The following ALDH2 variants were observed in gnomAD, a reference collection of about 807,000 sequenced individuals.
ALDH2 encodes the protein aldehyde dehydrogenase 2 family member.
A neutral mutation model predicts 59.6 loss-of-function variants in ALDH2; 44 were observed. That is an observed-to-expected ratio of 0.74 (90% CI 0.58 to 0.95). The LOEUF is 0.95. Ranked by LOEUF, ALDH2 falls within the 40% of genes least tolerant of loss-of-function variation. The probability of loss-of-function intolerance (pLI) is 0.00; values close to 1 mark genes in which losing one functional copy is unlikely to be tolerated. For synonymous variants in ALDH2, 291 were observed against 284.0 expected, an observed-to-expected ratio of 1.02 and a Z score of -0.25; for missense variants, 570 against 696.3, an observed-to-expected ratio of 0.82 and a Z score of 2.04.
chr12:111,802,614 T>C (rs138316993), intron 11 of ALDH2, among the ~76,000 whole-genome samples: 2,184 of 147,154 alleles, frequency 0.015, 25 homozygotes, highest in Admixed American at 0.028. Flanking sequence ...GGCGCTGTGG[T>C]TCACACCTGT....
chr12:111,775,691 G>T (rs377371349), intron 1 of ALDH2: 35 of 455,462 alleles, frequency 7.7e-5, no homozygotes, highest in Non-Finnish European at 1.5e-4. Flanking sequence ...CCCCCACCAC[G>T]CCCCGCCCAA....
chr12:111,792,623 C>T lies in ALDH2; in HGVS notation c.924C>T (p.His308=). ...ADMDWAVEQA[H]FALFFNQGQC... ...TGGATTGGGCCGTGGAACAGGCCCA[C>T]TTCGCCCTGTTCTTCAACCAGGGCC... The change falls in exon 9 of 13, where the codon CAC becomes CAT. Residue 308 remains histidine, a synonymous_variant. Coordinates refer to ENST00000261733, the MANE Select transcript of ALDH2 (RefSeq NM_000690.4). 1 of 1,612,974 alleles carries T rather than the reference C, an allele frequency of 6.2e-7. No homozygotes were observed.
At chr12:111,790,768 C>T (rs2068351668) in intron 6 of ALDH2, among the ~76,000 whole-genome samples, 1 of 152,084 alleles carries the variant, frequency 6.6e-6, no homozygotes, top group Admixed American at 6.6e-5. Context: ...AAAAATATTG[C>T]TCTAGGCCAG....
intron 3 of ALDH2, among the ~76,000 whole-genome samples, chr12:111,784,803 A>G (rs955377774): frequency 1.3e-5 from 2 of 151,950 alleles, no homozygotes; most frequent in African/African-American, 2.4e-5. Flanking sequence ...TGATAAAGTC[A>G]AGGTTTCACT....
At chr12:111,799,377 G>A (rs1205919071) in intron 10 of ALDH2, among the ~76,000 whole-genome samples, 1 of 151,304 alleles carries the variant, frequency 6.6e-6, no homozygotes, top group Non-Finnish European at 1.5e-5. Flanking sequence ...ATGTTGGCCA[G>A]GCTTGTCTCC....
In ALDH2 at chr12:111,767,004, T is replaced by C; in HGVS notation, c.22T>C (p.Phe8Leu). 2 of 1,522,904 alleles carry C rather than the reference T, an allele frequency of 1.3e-6. No homozygotes were observed. The highest frequency in any genetic ancestry group is 1.8e-6 in the Non-Finnish European group (2 of 1,141,592). 94.3% of individuals were successfully genotyped at this position (1,522,904 alleles called of 1,614,324 possible). ...TGCGATGTTGCGCGCTGCCGCCCGCTTCGGGCCCCGCCTGGGCCGCCGCCT... is the reference window on the plus strand; with the variant it reads ...TGCGATGTTGCGCGCTGCCGCCCGCCTCGGGCCCCGCCTGGGCCGCCGCCT... MLRAAAR[F>L]GPRLGRRLLS... is the part of the protein sequence containing the mutation. The change falls in exon 1 of 13, where the codon TTC (phenylalanine) becomes CTC (leucine). Residue 8 changes from phenylalanine to leucine, a missense_variant. Phe to Leu is a conservative substitution (Grantham distance 22). Coordinates refer to ENST00000261733, the MANE Select transcript of ALDH2 (RefSeq NM_000690.4).
rs889051256 is a variant in ALDH2 at position 111,815,314 on chromosome 12, G to C, written c.*5739G>C. 6.6e-6 allele frequency: 1 copy of C among 152,198 alleles called. No individual in the cohort carries two copies. Among genetic ancestry groups the C allele is most frequent in the African/African-American group, 2.4e-5 (1 of 41,444 alleles). The allele number at this position is 152,198 out of a possible 1,614,324, so 9.4% of individuals were successfully genotyped here. ...CAGCCTCTACCTCCTAGGCTCAGGT[G>C]ATTCTTCTGCCTCAGCCTCCCAAAT... On this transcript the variant is annotated 3_prime_UTR_variant, in exon 13 of 13. Transcript: ENST00000261733.
chr12:111,770,771 A>C (rs2068193199), intron 1 of ALDH2, among the ~76,000 whole-genome samples: 1 of 151,880 alleles, frequency 6.6e-6, no homozygotes, highest in South Asian at 2.1e-4. Flanking sequence ...GAGCCTCCTG[A>C]GTAGCTAGGA....
intron 1 of ALDH2, among the ~76,000 whole-genome samples, chr12:111,778,264 G>T (rs1361698130): frequency 6.6e-6 from 1 of 152,174 alleles, no homozygotes; most frequent in Non-Finnish European, 1.5e-5. Flanking sequence ...CCCATATTCG[G>T]CCAGGCGCGG....
chr12:111,792,480 C>T, intron 8 of ALDH2, 118 bp from the exon 9 acceptor site: 1 of 1,213,714 alleles, frequency 8.2e-7, no homozygotes, highest in South Asian at 1.5e-5. Flanking sequence ...CTGTCTCTGG[C>T]ACCCAGCAGG....
intron 12 of ALDH2, among the ~76,000 whole-genome samples, chr12:111,807,356 A>ATT (rs2068504556): frequency 6.6e-6 from 1 of 151,470 alleles, no homozygotes; most frequent in African/African-American, 2.4e-5. Flanking sequence ...GCTCACAGCC[A>ATT]GTCTTGTTTA....
In ALDH2 at chr12:111,785,312, C is replaced by G. The variant is rs771960765; in HGVS notation, c.406C>G (p.Leu136Val). Residue 136 changes from leucine to valine, a missense_variant, in exon 4 of 13, where the codon CTG (leucine) becomes GTG (valine). Leu to Val is a conservative substitution (Grantham distance 32). Coordinates refer to ENST00000261733, the MANE Select transcript of ALDH2 (RefSeq NM_000690.4). ...TGGCAAGCCCTATGTCATCTCCTAC[C>G]TGGTGGATTTGGACATGGTCCTCAA... ...DNGKPYVISYLVDLDMVLKCL... is the reference protein window; with the variant it reads ...DNGKPYVISYVVDLDMVLKCL... The G allele has an allele frequency of 1.4e-5, 22 of 1,614,152 alleles. No individual in the cohort carries two copies. The South Asian group carries it at 1.9e-4, about 14-fold the overall frequency.
In ALDH2 at chr12:111,809,701, G is replaced by A; in HGVS notation, c.*126G>A. The A allele has an allele frequency of 4.6e-6, 5 of 1,097,680 alleles. No individual in the cohort carries two copies. Among genetic ancestry groups the A allele is most frequent in the Non-Finnish European group, 6.7e-6 (5 of 749,586 alleles). The allele number at this position is 1,097,680 out of a possible 1,614,324, so 68.0% of individuals were successfully genotyped here. A position where few individuals can be genotyped will look rare whatever the true frequency, so the allele number is the denominator to read the frequency against. On this transcript the variant is annotated 3_prime_UTR_variant, in exon 13 of 13. Transcript: ENST00000261733. ...AGAAATTTTTCCTACAAAATCTCTT[G>A]GGTCAAGAAAGTTCTAGAATTTGAA...
intron 4 of ALDH2, among the ~76,000 whole-genome samples, chr12:111,788,788 G>A (rs535319998): frequency 1.3e-5 from 2 of 152,174 alleles, no homozygotes; most frequent in South Asian, 2.1e-4. Flanking sequence ...GATCACTTGA[G>A]CTCAGGAGTT....
At chr12:111,801,989 T>G (rs1250824533) in intron 11 of ALDH2, among the ~76,000 whole-genome samples, 1 of 152,094 alleles carries the variant, frequency 6.6e-6, no homozygotes, top group African/African-American at 2.4e-5. Context: ...GTGCAGTGGC[T>G]CACCCCTGTA....
intron 4 of ALDH2, among the ~76,000 whole-genome samples, chr12:111,788,709 C>G (rs568145006): frequency 6.6e-6 from 1 of 152,218 alleles, no homozygotes; most frequent in South Asian, 2.1e-4. Context: ...ATGTTCAAAC[C>G]CAGGTCACTA....
chr12:111,798,712 AT>A (rs1003074142), intron 10 of ALDH2, among the ~76,000 whole-genome samples: 45 of 152,024 alleles, frequency 3.0e-4, no homozygotes, highest in Non-Finnish European at 5.0e-4. Flanking sequence ...TTTTAAAAAA[AT>A]TTTTTAGTAC....
In ALDH2 at chr12:111,767,994, C is replaced by T. The variant is rs960298165; in HGVS notation, c.114+898C>T. Reference sequence around the variant, plus strand: ...TAGTTAATCACAGCTCCTGTCCTGTCTGCACAGCCTTTGTGCAGCACTGTT... The same window carrying T: ...TAGTTAATCACAGCTCCTGTCCTGTTTGCACAGCCTTTGTGCAGCACTGTT... On this transcript the variant is annotated intron_variant, in intron 1 of 12. Transcript: ENST00000261733. 6.6e-5 allele frequency among the ~76,000 whole-genome samples: 10 copies of T among 152,348 alleles called. No individual in the cohort carries two copies. The South Asian group carries it at 8.3e-4, about 13-fold the overall frequency.
chr12:111,802,970 A>G (rs536195128), intron 11 of ALDH2, among the ~76,000 whole-genome samples: 7 of 151,988 alleles, frequency 4.6e-5, no homozygotes, highest in Admixed American at 3.3e-4. Context: ...AGGCAGGCAT[A>G]TCACGAAGTC....
Sources: allele counts gnomAD v4.1 joint callset (sites outside exome capture counted in the v4.1 genomes callset), GRCh38; gene constraint gnomAD v4.1.1; transcripts MANE v1.5; gene names NCBI Gene and HGNC (gene_info 2026-07-23, HGNC 2026-07-21).